Variants in GDI2 observed in about 807,000 individuals in gnomAD.
GDI2 encodes the protein rab GDP dissociation inhibitor beta.
Under a neutral mutation model 54.2 loss-of-function variants are expected in GDI2, and 22 were observed. The ratio of observed to expected loss-of-function variants is 0.41; its 90% CI spans 0.29 to 0.58. The LOEUF is 0.58. Among genes scored for constraint, GDI2 ranks in the 20% least tolerant of loss-of-function variants. GDI2 has a pLI of 0.35. For synonymous variants in GDI2, 177 were observed against 182.1 expected (o/e 0.97, Z 0.23); for missense variants, 422 against 546.0 (o/e 0.77, Z 2.26).
At chr10:5,807,480 A>G (rs1181042356) in intron 1 of GDI2, among the ~76,000 whole-genome samples, 5 of 152,218 alleles carry the variant, frequency 3.3e-5, no homozygotes, top group African/African-American at 4.8e-5. Context: ...GTAACAGGTA[A>G]GAGTACCCAC....
chr10:5,789,120 TC>T (rs959171985), intron 4 of GDI2, among the ~76,000 whole-genome samples: 1 of 151,600 alleles, frequency 6.6e-6, no homozygotes, highest in African/African-American at 2.4e-5. Flanking sequence ...TTTTTTTTTT[TC>T]CTTTTTGAGA....
At chr10:5,806,714 A>AAG (rs1322848046) in intron 1 of GDI2, among the ~76,000 whole-genome samples, 1 of 152,122 alleles carries the variant, frequency 6.6e-6, no homozygotes, top group African/African-American at 2.4e-5. Flanking sequence ...GGGGTGGGGG[A>AAG]AGAAAACAAC....
At position 5,766,416 on chromosome 10, in the gene GDI2, C is replaced by T. The variant is rs953130106; in HGVS notation, c.1136+78G>A. On this transcript the variant is annotated intron_variant, in intron 9 of 10. Transcript: ENST00000380191. The surrounding 1 kb of genome is among the most constrained non-coding windows in gnomAD (Gnocchi z 5.8). Reference sequence around the variant, plus strand: ...GCAGCCAGCAGCTACCTGCCTTGCCCTCACATTCGTCCCACCATGGAGCCA... The same window carrying T: ...GCAGCCAGCAGCTACCTGCCTTGCCTTCACATTCGTCCCACCATGGAGCCA... The T allele has an allele frequency of 6.4e-7, 1 of 1,553,904 alleles. No homozygotes were observed. The highest frequency in any genetic ancestry group is 8.9e-7 in the Non-Finnish European group (1 of 1,126,134).
At chr10:5,813,126 CGAG>C (rs1841511860) in intron 1 of GDI2, 85 bp downstream of exon 1, 30 of 769,144 alleles carry the variant, frequency 3.9e-5, no homozygotes, top group Non-Finnish European at 5.9e-5. Flanking sequence ...ACGAGACCCC[CGAG>C]GAGCTGCGAC....
intron 4 of GDI2, among the ~76,000 whole-genome samples, chr10:5,786,265 T>A (rs1840874796): frequency 1.4e-5 from 2 of 145,472 alleles, no homozygotes; most frequent in African/African-American, 5.1e-5. Flanking sequence ...CTGCCTCCCG[T>A]GTTCAAGCGA....
intron 1 of GDI2, among the ~76,000 whole-genome samples, chr10:5,803,745 T>C (rs1841317637): frequency 6.6e-6 from 1 of 151,744 alleles, no homozygotes; most frequent in African/African-American, 2.4e-5. Context: ...CAAACCAAAT[T>C]AAGAAGAGGG....
rs1469223814 is a variant in GDI2, at chr10:5,766,182, C to T, written c.1192-30G>A. 2.5e-6 allele frequency: 4 copies of T among 1,612,476 alleles called. No homozygotes were observed. Among genetic ancestry groups the T allele is most frequent in the Non-Finnish European group, 3.4e-6 (4 of 1,178,446 alleles). The stretch of plus-strand genomic sequence containing the variant: ...AAACAAAAATTACGAAGACTTAAGA[C>T]CATGGAGGGATGTCTTCCAGTGAAA... On this transcript the variant is annotated intron_variant, in intron 10 of 10. Transcript: ENST00000380191. This position sits in a 1 kb window ranked among gnomAD's most constrained non-coding sequence, Gnocchi z 5.8.
chr10:5,801,965 G>A lies in GDI2; in HGVS notation c.46-1260C>T, dbSNP rs1295430995. On this transcript the variant is annotated intron_variant, in intron 1 of 10. Coordinates refer to ENST00000380191, the MANE Select transcript of GDI2 (RefSeq NM_001494.4). ...AGAGGCTGCTGTGAGCTGAGACCAC[G>A]CCACTGCACTCCAGCCTGGGTGACA... 5.5e-5 allele frequency among the ~76,000 whole-genome samples: 8 copies of A among 146,450 alleles called. No individual in the cohort carries two copies. In the East Asian group the frequency reaches 6.3e-4, roughly 12 times the overall value.
At chr10:5,791,084 G>A (rs948380956) in intron 4 of GDI2, among the ~76,000 whole-genome samples, 5 of 152,240 alleles carry the variant, frequency 3.3e-5, no homozygotes, top group Non-Finnish European at 7.4e-5. Context: ...TTGAGTCCGG[G>A]AGTTCAAGAC....
intron 6 of GDI2, among the ~76,000 whole-genome samples, chr10:5,778,902 C>T (rs1017346621): frequency 6.6e-6 from 1 of 152,064 alleles, no homozygotes; most frequent in Non-Finnish European, 1.5e-5. Flanking sequence ...AAACCAAAAC[C>T]AACTTTTCAG....
chr10:5,768,396 C>G lies in GDI2; in HGVS notation c.820-12G>C, dbSNP rs376239370. 6.3e-7 allele frequency: 1 copy of G among 1,586,306 alleles called. No homozygotes were observed. ...TTACAGCGAGCAATCTATAACAAAG[C>G]ATTTAAGAAGACACTGAAGCGGACA... On this transcript the variant is annotated splice_polypyrimidine_tract_variant and intron_variant, in intron 7 of 10. Coordinates refer to ENST00000380191, the MANE Select transcript of GDI2 (RefSeq NM_001494.4). The surrounding 1 kb of genome is among the most constrained non-coding windows in gnomAD (Gnocchi z 4.4).
At chr10:5,804,508 T>C (rs1442133676) in intron 1 of GDI2, among the ~76,000 whole-genome samples, 3 of 152,200 alleles carry the variant, frequency 2.0e-5, no homozygotes, top group Non-Finnish European at 4.4e-5. Flanking sequence ...TAATTTCTAA[T>C]AGCAAAGATT....
In GDI2 at chr10:5,776,895, A is replaced by G; in HGVS notation, c.720-2954T>C. 1.1e-6 allele frequency: 1 copy of G among 881,156 alleles called. No homozygotes were observed. 54.6% of individuals were successfully genotyped at this position (881,156 alleles called of 1,614,324 possible). A position where few individuals can be genotyped will look rare whatever the true frequency, so the allele number is the denominator to read the frequency against. On this transcript the variant is annotated intron_variant, in intron 6 of 10. Transcript: ENST00000380191. The surrounding 1 kb of genome is among the most constrained non-coding windows in gnomAD (Gnocchi z 5.3). ...GGCCAGAGAAGAGGGGAGAAGAGGAAATAATGCGAAAACAGTTAATCCAGC... is the reference window on the plus strand; with the variant it reads ...GGCCAGAGAAGAGGGGAGAAGAGGAGATAATGCGAAAACAGTTAATCCAGC...
At chr10:5,789,781 G>A (rs559429821) in intron 4 of GDI2, among the ~76,000 whole-genome samples, 4 of 152,196 alleles carry the variant, frequency 2.6e-5, no homozygotes, top group African/African-American at 7.2e-5. Flanking sequence ...GACCATACAC[G>A]GTGCCACTGT....
At chr10:5,784,320 T>C (rs1333565323) in intron 6 of GDI2, among the ~76,000 whole-genome samples, 1 of 152,240 alleles carries the variant, frequency 6.6e-6, no homozygotes, top group Admixed American at 6.5e-5. Flanking sequence ...AATTTTTCCA[T>C]TCATATCCTG....
At chr10:5,775,868 T>C (rs1588969509) in intron 6 of GDI2, among the ~76,000 whole-genome samples, 1 of 152,054 alleles carries the variant, frequency 6.6e-6, no homozygotes, top group African/African-American at 2.4e-5. Context: ...GCAGCGCAGG[T>C]GGCAGGCCCG....
At chr10:5,806,839 C>T (rs1841389552) in intron 1 of GDI2, among the ~76,000 whole-genome samples, 1 of 152,202 alleles carries the variant, frequency 6.6e-6, no homozygotes, top group Admixed American at 6.5e-5. Context: ...CAAAAGTAGA[C>T]TGCAGACTTT....
chr10:5,808,231 G>A (rs1158467805), intron 1 of GDI2, among the ~76,000 whole-genome samples: 1 of 152,106 alleles, frequency 6.6e-6, no homozygotes, highest in East Asian at 1.9e-4. Context: ...AAGCTGAAGT[G>A]GGAGGATCAT....
chr10:5,777,132 T>C (rs1277653518), intron 6 of GDI2, among the ~76,000 whole-genome samples: 1 of 152,166 alleles, frequency 6.6e-6, no homozygotes, highest in Non-Finnish European at 1.5e-5. Flanking sequence ...CTACATAGAA[T>C]AATTTTTTCA....
Sources: allele counts gnomAD v4.1 joint callset (sites outside exome capture counted in the v4.1 genomes callset), GRCh38; gene constraint gnomAD v4.1.1; non-coding constraint Gnocchi (gnomAD v3.1); transcripts MANE v1.5; gene names NCBI Gene and HGNC (gene_info 2026-07-23, HGNC 2026-07-21).